Variants in SMAP1 observed in about 807,000 individuals in gnomAD.
SMAP1 encodes stromal membrane-associated protein 1.
Under a neutral mutation model 58.5 loss-of-function variants are expected in SMAP1, and 24 were observed. That is an observed-to-expected ratio of 0.41 (90% CI 0.30 to 0.58). The LOEUF is 0.58. SMAP1 is among the 20% of genes least tolerant of loss of function. SMAP1 has a pLI of 0.29. For missense variants in SMAP1, 563 were observed against 566.3 expected (o/e 0.99, Z 0.06); for synonymous variants, 216 against 196.6 (o/e 1.10, Z -0.82).
At chr6:70,806,845 A>G (rs1375621903) in intron 6 of SMAP1, among the ~76,000 whole-genome samples, 1 of 152,216 alleles carries the variant, frequency 6.6e-6, no homozygotes, top group Non-Finnish European at 1.5e-5. Context: ...GAAGTAAACT[A>G]AATCCTCGAA....
chr6:70,727,624 T>A (rs1765238668), intron 1 of SMAP1, among the ~76,000 whole-genome samples: 1 of 152,246 alleles, frequency 6.6e-6, no homozygotes, highest in Non-Finnish European at 1.5e-5. Context: ...AATAGATAAC[T>A]GGTGATTTAA....
At chr6:70,746,301 C>T (rs1286792584) in intron 2 of SMAP1, among the ~76,000 whole-genome samples, 2 of 152,120 alleles carry the variant, frequency 1.3e-5, no homozygotes. Context: ...ATGATATTGG[C>T]TGTGGGTTTG....
intron 1 of SMAP1, 70 bp downstream of exon 1, chr6:70,668,211 G>C: frequency 7.2e-7 from 1 of 1,392,454 alleles, no homozygotes; most frequent in Non-Finnish European, 1.0e-6. Context: ...CCGCTGCGGC[G>C]CTCGGGGCCC....
In SMAP1 at chr6:70,708,619, A is replaced by G. The variant is rs570870022; in HGVS notation, c.119-23759A>G. 4.6e-5 allele frequency among the ~76,000 whole-genome samples: 7 copies of G among 152,286 alleles called. No individual in the cohort carries two copies. The South Asian group carries it at 1.5e-3, about 32-fold the overall frequency. On this transcript the variant is annotated intron_variant, in intron 1 of 10. Transcript: ENST00000370455. ...GGTTTCTTTTTCTCTACACCTTTCTAACACTTGTTATCTCTTGTCTTCTTG... is the reference window on the plus strand; with the variant it reads ...GGTTTCTTTTTCTCTACACCTTTCTGACACTTGTTATCTCTTGTCTTCTTG...
At position 70,827,722 on chromosome 6, in the gene SMAP1, C is replaced by G. The variant is rs144723740; in HGVS notation, c.577-9219C>G. On this transcript the variant is annotated intron_variant, in intron 6 of 10. Coordinates refer to ENST00000370455, the MANE Select transcript of SMAP1 (RefSeq NM_001044305.3). The stretch of plus-strand genomic sequence containing the variant: ...TTCACTAAATGTCTTCAAGGCTGCT[C>G]CGACTTCTGCAATTTGTGTAAATCC... Among the ~76,000 whole-genome samples the G allele has an allele frequency of 4.5e-4, 69 of 152,302 alleles. No homozygotes were observed. In the East Asian group the frequency reaches 0.012, roughly 26 times the overall value.
At chr6:70,779,167 G>A (rs1767661293) in intron 4 of SMAP1, among the ~76,000 whole-genome samples, 1 of 152,242 alleles carries the variant, frequency 6.6e-6, no homozygotes, top group African/African-American at 2.4e-5. Context: ...TGATGTGCAA[G>A]ACTGCCTCTT....
chr6:70,668,967 G>A (rs536685025), intron 1 of SMAP1, among the ~76,000 whole-genome samples: 6 of 152,138 alleles, frequency 3.9e-5, no homozygotes, highest in Non-Finnish European at 7.4e-5. Context: ...ATCTAGAGAT[G>A]GAAAAAACCT....
At chr6:70,817,571 T>C (rs1403205755) in intron 6 of SMAP1, among the ~76,000 whole-genome samples, 1 of 152,166 alleles carries the variant, frequency 6.6e-6, no homozygotes, top group Non-Finnish European at 1.5e-5. Flanking sequence ...GACAACCAAA[T>C]AGTCCAGGAC....
intron 6 of SMAP1, among the ~76,000 whole-genome samples, chr6:70,826,702 G>A (rs866417432): frequency 5.9e-5 from 9 of 152,102 alleles, no homozygotes; most frequent in African/African-American, 1.2e-4. Flanking sequence ...GCTTCAGTGC[G>A]TGGTGATTGC....
intron 1 of SMAP1, among the ~76,000 whole-genome samples, chr6:70,711,376 T>C (rs1190331729): frequency 6.6e-6 from 1 of 152,218 alleles, no homozygotes; most frequent in Non-Finnish European, 1.5e-5. Context: ...CTGTCATTGA[T>C]TGAAAGGTCA....
At chr6:70,780,411 A>G (rs1767715062) in intron 4 of SMAP1, among the ~76,000 whole-genome samples, 1 of 152,156 alleles carries the variant, frequency 6.6e-6, no homozygotes, top group Admixed American at 6.5e-5. Flanking sequence ...CCCTGTCTCT[A>G]CAAAAAATAA....
chr6:70,761,162 T>C (rs892419597), intron 3 of SMAP1, among the ~76,000 whole-genome samples: 24 of 152,022 alleles, frequency 1.6e-4, no homozygotes, highest in Admixed American at 1.3e-4. Context: ...TCTTAAAATA[T>C]ATAGATACAT....
chr6:70,804,576 A>G (rs1376995602), intron 6 of SMAP1, among the ~76,000 whole-genome samples: 1 of 152,068 alleles, frequency 6.6e-6, no homozygotes, highest in Non-Finnish European at 1.5e-5. Context: ...TAATTGATGC[A>G]GTTTCTTCAT....
intron 1 of SMAP1, among the ~76,000 whole-genome samples, chr6:70,712,797 CTTTT>C (rs576020234): frequency 8.1e-6 from 1 of 123,556 alleles, no homozygotes. Context: ...TTTTTCTTTT[CTTTT>C]TTTTTTTTTT....
rs544176230 is a variant in SMAP1, at chr6:70,811,911, C to G, written c.576+13174C>G. 5.9e-5 allele frequency among the ~76,000 whole-genome samples: 9 copies of G among 152,244 alleles called. No individual in the cohort carries two copies. In the South Asian group the frequency reaches 1.7e-3, roughly 28 times the overall value. On this transcript the variant is annotated intron_variant, in intron 6 of 10. Transcript: ENST00000370455. ...TGGGTCGTACCAAATCTTGTATATA[C>G]TATGATTTTGATCTGATAGGTGAGA...
intron 7 of SMAP1, among the ~76,000 whole-genome samples, chr6:70,843,755 G>A (rs1770886224): frequency 6.6e-6 from 1 of 152,314 alleles, no homozygotes; most frequent in South Asian, 2.1e-4. Flanking sequence ...CCCTCTAGCA[G>A]CTTCGTCTGG....
chr6:70,743,075 T>A (rs1347394811), intron 2 of SMAP1, among the ~76,000 whole-genome samples: 2 of 152,332 alleles, frequency 1.3e-5, no homozygotes, highest in African/African-American at 4.8e-5. Context: ...AAAAATCCTT[T>A]TCAACTTCCT....
At chr6:70,750,982 G>C (rs575725576) in intron 2 of SMAP1, among the ~76,000 whole-genome samples, 11 of 152,290 alleles carry the variant, frequency 7.2e-5, no homozygotes, top group African/African-American at 2.6e-4. Flanking sequence ...GCTCATACCT[G>C]TAATCCCAGC....
At chr6:70,750,086 G>A (rs1226843974) in intron 2 of SMAP1, among the ~76,000 whole-genome samples, 1 of 152,100 alleles carries the variant, frequency 6.6e-6, no homozygotes, top group African/African-American at 2.4e-5. Context: ...TGACAGTGAC[G>A]TAAACTTGGG....
Sources: gnomAD v4.1 joint callset for allele counts (sites outside exome capture counted in the v4.1 genomes callset) on GRCh38, gnomAD v4.1.1 for gene constraint, MANE v1.5 for transcripts, NCBI Gene and HGNC (gene_info 2026-07-23, HGNC 2026-07-21) for gene names.